COL22A1: variants seen among roughly 807,000 people sequenced by gnomAD.
The protein encoded by COL22A1 is collagen type XXII alpha 1 chain, also known as collagen alpha-1(XXII) chain.
Under a neutral mutation model 248.9 loss-of-function variants are expected in COL22A1, and 221 were observed. The ratio of observed to expected loss-of-function variants is 0.89; its 90% confidence interval spans 0.80 to 0.99. The LOEUF is 0.99. Among genes scored for constraint, COL22A1 ranks in the 50% least tolerant of loss-of-function variants. The pLI, the probability that COL22A1 is intolerant of heterozygous loss-of-function variation, is 0.00. For synonymous variants in COL22A1, 891 were observed against 793.4 expected (o/e 1.12, Z -2.07); for missense variants, 2,240 against 2,179.0 (o/e 1.03, Z -0.56).
chr8:138,778,316 G>A (rs1814657818), intron 15 of COL22A1, 37 bp downstream of exon 15: 1 of 1,613,330 alleles, frequency 6.2e-7, no homozygotes, highest in Non-Finnish European at 8.5e-7. Flanking sequence ...CCTGGAGAAG[G>A]GGTAGAACCC....
At chr8:138,687,677 A>G (rs551034785) in intron 37 of COL22A1, among the ~76,000 whole-genome samples, 5 of 152,288 alleles carry the variant, frequency 3.3e-5, no homozygotes, top group African/African-American at 9.6e-5. Flanking sequence ...TGACTCCCCA[A>G]TTCCTCAGCT....
chr8:138,622,527 T>C (rs1053252832), intron 52 of COL22A1, among the ~76,000 whole-genome samples: 8 of 152,204 alleles, frequency 5.3e-5, no homozygotes, highest in Admixed American at 1.3e-4. Context: ...AAAATTAAGA[T>C]GATAACAGTA....
chr8:138,700,169 G>A, intron 31 of COL22A1, 25 bp from the exon 32 acceptor site: 1 of 1,611,976 alleles, frequency 6.2e-7, no homozygotes. Flanking sequence ...ACAGAGATTA[G>A]AAAGATGGGC....
intron 16 of COL22A1, among the ~76,000 whole-genome samples, chr8:138,773,024 G>A (rs377621142): frequency 6.6e-6 from 1 of 152,230 alleles, no homozygotes; most frequent in Non-Finnish European, 1.5e-5. Context: ...TGAGGCTGGG[G>A]ACAGGCCCCC....
Position 138,703,371 on chromosome 8 carries a change from A to C in COL22A1, c.2518-24T>G. The C allele has an allele frequency of 1.9e-6, 3 of 1,608,766 alleles. No individual in the cohort carries two copies. The South Asian group carries it at 3.3e-5, about 18-fold the overall frequency. Reference sequence around the variant, plus strand: ...CCCTAGATGGAGAAATGGAAAATCCATGACCATTAATCTTCCTCCCAACTC... The same window carrying C: ...CCCTAGATGGAGAAATGGAAAATCCCTGACCATTAATCTTCCTCCCAACTC... On this transcript the variant is annotated intron_variant, in intron 30 of 64. Coordinates refer to ENST00000303045, the MANE Select transcript of COL22A1 (RefSeq NM_152888.3).
In COL22A1 at chr8:138,630,683, T is replaced by C. The variant is rs1193491410; in HGVS notation, c.3663+12A>G. 1.2e-6 allele frequency: 2 copies of C among 1,611,680 alleles called. No homozygotes were observed. Among genetic ancestry groups the C allele is most frequent in the South Asian group, 2.2e-5 (2 of 91,028 alleles). Reference sequence around the variant, plus strand: ...CAGATTAAAAACAGATCCCATTCCTTGAGGAACTTACAGGTGACCCTTGGA... The same window carrying C: ...CAGATTAAAAACAGATCCCATTCCTCGAGGAACTTACAGGTGACCCTTGGA... On this transcript the variant is annotated intron_variant, in intron 50 of 64. Coordinates refer to ENST00000303045, the MANE Select transcript of COL22A1 (RefSeq NM_152888.3).
intron 23 of COL22A1, among the ~76,000 whole-genome samples, chr8:138,728,773 C>T (rs1247338476): frequency 6.6e-6 from 1 of 152,102 alleles, no homozygotes; most frequent in Non-Finnish European, 1.5e-5. Flanking sequence ...GCAGATACAC[C>T]TGGAGGGCCT....
At chr8:138,730,213 C>G (rs1271100556) in intron 23 of COL22A1, among the ~76,000 whole-genome samples, 1 of 152,212 alleles carries the variant, frequency 6.6e-6, no homozygotes, top group African/African-American at 2.4e-5. Flanking sequence ...AAGATTCACA[C>G]CTTGGATGGA....
intron 55 of COL22A1, among the ~76,000 whole-genome samples, chr8:138,614,619 G>T (rs890956351): frequency 6.6e-6 from 1 of 152,152 alleles, no homozygotes; most frequent in African/African-American, 2.4e-5. Context: ...TTCCTGCCTG[G>T]GTAGCACCCT....
At position 138,704,587 on chromosome 8, in the gene COL22A1, C is replaced by T. The variant is rs185585474; in HGVS notation, c.2518-1240G>A. ...TCCTGACTGTTAGAAGGAAAACTAA[C>T]AAACAGAAAGGACATCCACACCAAC... On this transcript the variant is annotated intron_variant, in intron 30 of 64. Coordinates refer to ENST00000303045, the MANE Select transcript of COL22A1 (RefSeq NM_152888.3). Among the ~76,000 whole-genome samples, 8 of 152,306 alleles carry T rather than the reference C, an allele frequency of 5.3e-5. No homozygotes were observed. The East Asian group carries it at 1.5e-3, about 29-fold the overall frequency.
intron 3 of COL22A1, among the ~76,000 whole-genome samples, chr8:138,869,806 C>T (rs1292727948): frequency 6.6e-6 from 1 of 152,204 alleles, no homozygotes; most frequent in Non-Finnish European, 1.5e-5. Context: ...GGCCACAGAC[C>T]TCTACGTGGC....
chr8:138,758,794 C>T (rs1467101446), intron 18 of COL22A1, among the ~76,000 whole-genome samples: 2 of 152,166 alleles, frequency 1.3e-5, no homozygotes, highest in Non-Finnish European at 2.9e-5. Flanking sequence ...TTGACCTTCT[C>T]CTCCCATTTC....
chr8:138,660,066 C>A (rs915309470), intron 44 of COL22A1, among the ~76,000 whole-genome samples: 4 of 152,226 alleles, frequency 2.6e-5, no homozygotes, highest in African/African-American at 9.6e-5. Context: ...GCTGGCTTGC[C>A]TGCTGGCCCG....
intron 38 of COL22A1, 85 bp downstream of exon 38, chr8:138,685,123 G>T: frequency 1.0e-6 from 1 of 969,332 alleles, no homozygotes. Context: ...TTTCTGCAAA[G>T]TTTGGCAGTT....
intron 8 of COL22A1, among the ~76,000 whole-genome samples, chr8:138,812,676 TC>T (rs148061069): frequency 0.016 from 2,413 of 152,142 alleles, 65 homozygotes; most frequent in African/African-American, 0.053. Context: ...AGCCCCTGCC[TC>T]CTACATCCCC....
At chr8:138,612,263 A>C (rs1801884547) in intron 56 of COL22A1, among the ~76,000 whole-genome samples, 1 of 152,178 alleles carries the variant, frequency 6.6e-6, no homozygotes, top group Admixed American at 6.5e-5. Flanking sequence ...AGAGAGACAC[A>C]GATATCAAAG....
chr8:138,635,753 TCAATGTAGAGTA>T (rs1387497206), intron 48 of COL22A1, among the ~76,000 whole-genome samples: 1 of 152,124 alleles, frequency 6.6e-6, no homozygotes, highest in Non-Finnish European at 1.5e-5. Flanking sequence ...GCTACACCAT[TCAATGTAGAGTA>T]CATTGCCTTT....
intron 40 of COL22A1, among the ~76,000 whole-genome samples, chr8:138,677,772 T>C (rs992850619): frequency 2.0e-5 from 3 of 152,230 alleles, no homozygotes; most frequent in Non-Finnish European, 4.4e-5. Flanking sequence ...AAAACAGACA[T>C]GGCCCCAACA....
At chr8:138,827,808 T>G (rs1031366628) in intron 5 of COL22A1, among the ~76,000 whole-genome samples, 1 of 150,646 alleles carries the variant, frequency 6.6e-6, no homozygotes, top group Non-Finnish European at 1.5e-5. Flanking sequence ...CTGTATCATG[T>G]ACAGGGCACC....
Sources: allele counts gnomAD v4.1 joint callset (sites outside exome capture counted in the v4.1 genomes callset), GRCh38; gene constraint gnomAD v4.1.1; transcripts MANE v1.5; gene names NCBI Gene and HGNC (gene_info 2026-07-23, HGNC 2026-07-21).